PPP3CB: variants seen among roughly 807,000 people sequenced by gnomAD.
PPP3CB encodes serine/threonine-protein phosphatase 2B catalytic subunit beta isoform.
In PPP3CB, 8 loss-of-function variants were observed where a neutral mutation model predicts 66.4. That is an observed-to-expected ratio of 0.12 (90% CI 0.07 to 0.22). The LOEUF (loss-of-function observed/expected upper bound fraction) is 0.22, where lower values mean the gene tolerates loss of function less well. Among genes scored for constraint, PPP3CB ranks in the 10% least tolerant of loss-of-function variants. PPP3CB has a pLI of 1.00. For missense variants in PPP3CB, 319 were observed against 642.5 expected, an observed-to-expected ratio of 0.50 and a Z score of 5.44; for synonymous variants, 208 against 221.2, an observed-to-expected ratio of 0.94 and a Z score of 0.53.
At chr10:73,493,495 G>C (rs2057112144) in intron 1 of PPP3CB, among the ~76,000 whole-genome samples, 2 of 152,120 alleles carry the variant, frequency 1.3e-5, no homozygotes, top group Non-Finnish European at 1.5e-5. Context: ...TCACATTATA[G>C]TATAATTACT....
At chr10:73,487,756 C>T (rs1398571595) in intron 1 of PPP3CB, among the ~76,000 whole-genome samples, 2 of 151,568 alleles carry the variant, frequency 1.3e-5, no homozygotes, top group African/African-American at 4.8e-5. Context: ...TTCCCAGGGA[C>T]ATCCTTTGAG....
At chr10:73,443,770 A>G (rs2056201999) in intron 12 of PPP3CB, 1 of 152,264 alleles carries the variant, frequency 6.6e-6, no homozygotes, top group Non-Finnish European at 1.5e-5. Context: ...AAAATATTCA[A>G]TGAGCCAGAT....
intron 1 of PPP3CB, among the ~76,000 whole-genome samples, chr10:73,482,123 G>A (rs764642758): frequency 2.0e-5 from 3 of 151,986 alleles, no homozygotes; most frequent in Non-Finnish European, 2.9e-5. Context: ...TTACAAAAAT[G>A]AGAAGGTTAA....
chr10:73,486,942 G>A (rs1357704919), intron 1 of PPP3CB, among the ~76,000 whole-genome samples: 6 of 152,286 alleles, frequency 3.9e-5, no homozygotes, highest in South Asian at 2.1e-4. Context: ...AGGCCAAGGC[G>A]GGTGGATTAC....
chr10:73,494,691 T>G (rs1182505396), intron 1 of PPP3CB, among the ~76,000 whole-genome samples: 2 of 152,086 alleles, frequency 1.3e-5, no homozygotes, highest in Non-Finnish European at 2.9e-5. Context: ...TTTTAAATAT[T>G]TTAATGGAAA....
intron 10 of PPP3CB, among the ~76,000 whole-genome samples, chr10:73,453,916 G>GA (rs1210696965): frequency 4.6e-5 from 7 of 152,014 alleles, no homozygotes; most frequent in South Asian, 2.1e-4. Flanking sequence ...TGTTTCTGTG[G>GA]AAAAAAATGC....
chr10:73,493,003 C>T (rs528132851), intron 1 of PPP3CB, among the ~76,000 whole-genome samples: 3 of 152,144 alleles, frequency 2.0e-5, no homozygotes, highest in East Asian at 1.9e-4. Flanking sequence ...AGGCCGGGCG[C>T]GGTGGCTCAC....
At chr10:73,472,526 A>G (rs1182984474) in intron 4 of PPP3CB, among the ~76,000 whole-genome samples, 4 of 152,076 alleles carry the variant, frequency 2.6e-5, no homozygotes, top group Non-Finnish European at 5.9e-5. Flanking sequence ...AAATCTCTTA[A>G]AAACAGCTCA....
At chr10:73,442,476 TTA>T (rs1354642459) in intron 12 of PPP3CB, among the ~76,000 whole-genome samples, 1 of 152,210 alleles carries the variant, frequency 6.6e-6, no homozygotes, top group Non-Finnish European at 1.5e-5. Flanking sequence ...TACTGTAGAT[TTA>T]TTTAAGTATG....
chr10:73,491,023 T>G (rs1490055683), intron 1 of PPP3CB, among the ~76,000 whole-genome samples: 8 of 68,022 alleles, frequency 1.2e-4, no homozygotes, highest in African/African-American at 6.6e-4. Flanking sequence ...GTTTTTATTG[T>G]TTTTTTTTTT....
chr10:73,469,310 A>G (rs753966685), intron 8 of PPP3CB, among the ~76,000 whole-genome samples: 1 of 152,234 alleles, frequency 6.6e-6, no homozygotes, highest in African/African-American at 2.4e-5. Context: ...TGGGAGGCTG[A>G]GGCAGGCAGA....
chr10:73,458,258 T>C (rs2056462114), intron 9 of PPP3CB, among the ~76,000 whole-genome samples: 2 of 152,138 alleles, frequency 1.3e-5, no homozygotes, highest in Non-Finnish European at 2.9e-5. Flanking sequence ...TGCTTCAGCC[T>C]CCTGAGTAGC....
At chr10:73,465,909 T>C (rs1230995085) in intron 9 of PPP3CB, among the ~76,000 whole-genome samples, 1 of 152,248 alleles carries the variant, frequency 6.6e-6, no homozygotes, top group Non-Finnish European at 1.5e-5. Flanking sequence ...ATCTGAGCTT[T>C]ACATTTTTAG....
chr10:73,494,968 C>T (rs1367622164), intron 1 of PPP3CB, among the ~76,000 whole-genome samples: 1 of 152,168 alleles, frequency 6.6e-6, no homozygotes, highest in Non-Finnish European at 1.5e-5. Flanking sequence ...AATTAGCCCT[C>T]AATTTCTCTA....
chr10:73,454,406 T>G lies in PPP3CB; in HGVS notation c.1186+6A>C. Reference sequence around the variant, plus strand: ...AAAAAAAAAATAGTAAGATGAATAATCATACCATCAAACTGGTCTTCACCT... The same window carrying G: ...AAAAAAAAAATAGTAAGATGAATAAGCATACCATCAAACTGGTCTTCACCT... On this transcript the variant is annotated splice_donor_region_variant and intron_variant, in intron 10 of 13. Coordinates refer to ENST00000360663, the MANE Select transcript of PPP3CB (RefSeq NM_021132.4). 1 of 1,591,364 alleles carries G rather than the reference T, an allele frequency of 6.3e-7. No individual in the cohort carries two copies. The highest frequency in any genetic ancestry group is 1.1e-5 in the South Asian group (1 of 89,780).
chr10:73,454,516 T>G, intron 9 of PPP3CB, 27 bp from the exon 10 acceptor site: 2 of 1,499,672 alleles, frequency 1.3e-6, no homozygotes, highest in Non-Finnish European at 1.9e-6. Context: ...AGTTACATGT[T>G]AGCTGACCAT....
intron 10 of PPP3CB, among the ~76,000 whole-genome samples, chr10:73,448,335 C>A (rs2056292407): frequency 6.6e-6 from 1 of 152,074 alleles, no homozygotes; most frequent in Non-Finnish European, 1.5e-5. Context: ...TAAATGGTCA[C>A]AGTAACATTT....
intron 10 of PPP3CB, among the ~76,000 whole-genome samples, chr10:73,451,352 C>A (rs1589688493): frequency 6.6e-6 from 1 of 151,852 alleles, no homozygotes; most frequent in Non-Finnish European, 1.5e-5. Flanking sequence ...GATAAACCCA[C>A]AAATATATAG....
intron 4 of PPP3CB, among the ~76,000 whole-genome samples, chr10:73,472,376 T>C (rs1173617863): frequency 6.6e-6 from 1 of 151,538 alleles, no homozygotes; most frequent in East Asian, 1.9e-4. Flanking sequence ...GCACCTGTAA[T>C]CCCAGAGACT....
Sources: gnomAD v4.1 joint callset for allele counts (sites outside exome capture counted in the v4.1 genomes callset) on GRCh38, gnomAD v4.1.1 for gene constraint, MANE v1.5 for transcripts, NCBI Gene and HGNC (gene_info 2026-07-23, HGNC 2026-07-21) for gene names.